PLPPR1: variants seen among roughly 807,000 people sequenced by gnomAD.
PLPPR1 encodes phospholipid phosphatase-related protein type 1.
A neutral mutation model predicts 33.1 loss-of-function variants in PLPPR1; 10 were observed. That is an observed-to-expected ratio of 0.30 (90% CI 0.19 to 0.51). The LOEUF (loss-of-function observed/expected upper bound fraction) is 0.51, where lower values mean the gene tolerates loss of function less well. Among genes scored for constraint, PLPPR1 ranks in the 20% least tolerant of loss-of-function variants. PLPPR1 has a pLI of 0.97. For missense variants in PLPPR1, 304 were observed against 408.1 expected (o/e 0.74, Z 2.20); for synonymous variants, 151 against 151.0 (o/e 1.00, Z 0.00).
intron 1 of PLPPR1, chr9:101,131,507 T>C (rs949624645): frequency 1.3e-5 from 2 of 152,156 alleles, no homozygotes; most frequent in African/African-American, 4.8e-5. Flanking sequence ...AGAAGTTCTA[T>C]TAGGGAAGTA....
chr9:101,208,058 G>T (rs565541190), intron 2 of PLPPR1, among the ~76,000 whole-genome samples: 4 of 152,230 alleles, frequency 2.6e-5, no homozygotes, highest in African/African-American at 9.6e-5. Context: ...CTAAAGCTGG[G>T]GTGCAGCTCC....
intron 1 of PLPPR1, among the ~76,000 whole-genome samples, chr9:101,049,670 G>A (rs532021090): frequency 1.2e-4 from 19 of 152,204 alleles, no homozygotes; most frequent in African/African-American, 4.3e-4. Flanking sequence ...GGCTGGCTCC[G>A]AAGTTGCCAT....
chr9:101,192,583 G>T (rs764636362), intron 2 of PLPPR1, among the ~76,000 whole-genome samples: 156 of 152,154 alleles, frequency 1.0e-3, no homozygotes, highest in Non-Finnish European at 4.4e-4. Context: ...GAGGTAGGTG[G>T]TTATAAATGT....
chr9:101,201,709 C>A (rs903756110), intron 2 of PLPPR1, among the ~76,000 whole-genome samples: 4 of 152,150 alleles, frequency 2.6e-5, no homozygotes, highest in Non-Finnish European at 5.9e-5. Context: ...TATGAAAAAG[C>A]TAGCCTTGTA....
At chr9:101,309,884 C>G (rs779561563) in intron 5 of PLPPR1, among the ~76,000 whole-genome samples, 1 of 152,106 alleles carries the variant, frequency 6.6e-6, no homozygotes, top group Admixed American at 6.5e-5. Flanking sequence ...TAGAAATTTG[C>G]AAGCATGGGC....
chr9:101,124,004 A>G (rs543557761), intron 1 of PLPPR1, among the ~76,000 whole-genome samples: 2 of 152,258 alleles, frequency 1.3e-5, no homozygotes, highest in Non-Finnish European at 2.9e-5. Flanking sequence ...ACTCAGCTTT[A>G]CCCAACATGC....
chr9:101,034,075 T>G (rs577698016), intron 1 of PLPPR1, among the ~76,000 whole-genome samples: 88 of 151,936 alleles, frequency 5.8e-4, no homozygotes, highest in South Asian at 1.0e-3. Flanking sequence ...AATGCGTAAC[T>G]ATCAGTCACT....
chr9:101,095,234 G>T (rs1830802433), intron 1 of PLPPR1, among the ~76,000 whole-genome samples: 1 of 151,300 alleles, frequency 6.6e-6, no homozygotes, highest in Admixed American at 6.6e-5. Flanking sequence ...GATTTTATTT[G>T]AATAACATCT....
intron 1 of PLPPR1, among the ~76,000 whole-genome samples, chr9:101,052,177 T>C (rs1830230074): frequency 1.3e-5 from 2 of 152,220 alleles, no homozygotes; most frequent in Admixed American, 6.5e-5. Flanking sequence ...TGCCATAGTG[T>C]ATTGAACATA....
chr9:101,040,689 T>A (rs529090103), intron 1 of PLPPR1, among the ~76,000 whole-genome samples: 2 of 152,306 alleles, frequency 1.3e-5, no homozygotes, highest in Admixed American at 1.3e-4. Flanking sequence ...ACTCAGCCCA[T>A]TAATCTTTAA....
At chr9:101,065,063 A>G (rs78707125) in intron 1 of PLPPR1, among the ~76,000 whole-genome samples, 2,195 of 152,192 alleles carry the variant, frequency 0.014, 59 homozygotes, top group African/African-American at 0.05. Flanking sequence ...AACCATATCA[A>G]GAAATATCAA....
At chr9:101,205,932 A>G (rs1354494149) in intron 2 of PLPPR1, among the ~76,000 whole-genome samples, 1 of 152,144 alleles carries the variant, frequency 6.6e-6, no homozygotes, top group East Asian at 1.9e-4. Context: ...AATCTTTCCT[A>G]TAACTGGGAA....
chr9:101,262,608 G>T (rs935206211), intron 2 of PLPPR1, among the ~76,000 whole-genome samples: 1 of 152,086 alleles, frequency 6.6e-6, no homozygotes, highest in East Asian at 1.9e-4. Flanking sequence ...ATTCCTCAAG[G>T]ATCTAGAACC....
Position 101,136,407 on chromosome 9 carries a change from G to T in PLPPR1, c.-45-49043G>T, listed in dbSNP as rs545299345. Among the ~76,000 whole-genome samples, 26 of 152,292 alleles carry T rather than the reference G, an allele frequency of 1.7e-4. No homozygotes were observed. In the Middle Eastern group the frequency reaches 0.01, roughly 60 times the overall value. ...ATATATTTAAACTGGGGGACAAAAG[G>T]CTTGTAGATTCTCTTTTGCTGATCC... On this transcript the variant is annotated intron_variant, in intron 1 of 7. Coordinates refer to ENST00000374874, the MANE Select transcript of PLPPR1 (RefSeq NM_207299.2).
intron 1 of PLPPR1, among the ~76,000 whole-genome samples, chr9:101,046,499 G>A (rs1830149097): frequency 6.8e-6 from 1 of 146,990 alleles, no homozygotes; most frequent in South Asian, 2.2e-4. Flanking sequence ...GAGTGCAGTG[G>A]CACGATCTCA....
At chr9:101,209,836 T>C (rs1054659599) in intron 2 of PLPPR1, among the ~76,000 whole-genome samples, 2 of 152,204 alleles carry the variant, frequency 1.3e-5, no homozygotes, top group African/African-American at 4.8e-5. Flanking sequence ...ACATCAGCTA[T>C]GTTCTGGGTC....
At chr9:101,093,539 T>A (rs1361222250) in intron 1 of PLPPR1, among the ~76,000 whole-genome samples, 2 of 152,234 alleles carry the variant, frequency 1.3e-5, no homozygotes, top group Admixed American at 6.5e-5. Flanking sequence ...GTCATGTAAT[T>A]AGTTCCTTGT....
intron 2 of PLPPR1, among the ~76,000 whole-genome samples, chr9:101,189,954 A>T (rs181955818): frequency 6.6e-5 from 10 of 151,934 alleles, no homozygotes; most frequent in African/African-American, 2.4e-4. Flanking sequence ...CTGTTTCCTT[A>T]TATTTGTGGT....
At chr9:101,181,632 GTA>G (rs1257608478) in intron 1 of PLPPR1, among the ~76,000 whole-genome samples, 1 of 147,396 alleles carries the variant, frequency 6.8e-6, no homozygotes, top group Non-Finnish European at 1.5e-5. Context: ...GTGTGTGTGT[GTA>G]TGTGTATGTA....
Sources: allele counts gnomAD v4.1 joint callset (sites outside exome capture counted in the v4.1 genomes callset), GRCh38; gene constraint gnomAD v4.1.1; transcripts MANE v1.5; gene names NCBI Gene and HGNC (gene_info 2026-07-23, HGNC 2026-07-21).